The following OTUD7A variants were observed in gnomAD, a reference collection of about 807,000 sequenced individuals.
OTUD7A encodes the protein OTU deubiquitinase 7A.
Under a neutral mutation model 65.7 loss-of-function variants are expected in OTUD7A, and 12 were observed. That is an observed-to-expected ratio of 0.18 (90% CI 0.12 to 0.30). The LOEUF (loss-of-function observed/expected upper bound fraction) is 0.30. OTUD7A is among the 10% of genes least tolerant of loss of function. The probability of loss-of-function intolerance (pLI) is 1.00; values close to 1 mark genes in which losing one functional copy is unlikely to be tolerated. For synonymous variants in OTUD7A, 641 were observed against 586.3 expected (o/e 1.09, Z -1.35); for missense variants, 1,148 against 1,304.8 (o/e 0.88, Z 1.85).
intron 1 of OTUD7A, among the ~76,000 whole-genome samples, chr15:31,661,705 C>T (rs933643631): frequency 6.6e-6 from 1 of 152,150 alleles, no homozygotes; most frequent in Non-Finnish European, 1.5e-5. Context: ...ACCACAGTAC[C>T]ATAATCCCAC....
intron 1 of OTUD7A, among the ~76,000 whole-genome samples, chr15:31,818,029 C>T (rs1451765504): frequency 1.3e-5 from 2 of 152,174 alleles, no homozygotes; most frequent in East Asian, 1.9e-4. Context: ...GAGGATGTCA[C>T]GTTCATCCCG....
chr15:31,768,742 G>A (rs772456475), intron 1 of OTUD7A, among the ~76,000 whole-genome samples: 2 of 152,090 alleles, frequency 1.3e-5, no homozygotes, highest in Non-Finnish European at 2.9e-5. Context: ...TAAAGGGGGT[G>A]AAGTAAAGGG....
intron 3 of OTUD7A, among the ~76,000 whole-genome samples, chr15:31,636,480 C>T (rs374961901): frequency 9.9e-5 from 15 of 152,264 alleles, no homozygotes; most frequent in African/African-American, 3.6e-4. Context: ...TCAGGCCTCC[C>T]TATTCCCTGA....
chr15:31,512,514 A>T (rs2141100607), intron 8 of OTUD7A, among the ~76,000 whole-genome samples: 1 of 152,252 alleles, frequency 6.6e-6, no homozygotes, highest in Middle Eastern at 3.4e-3. Flanking sequence ...TTTTGTTATG[A>T]GAGTATATTG....
At chr15:31,514,693 T>C (rs1273909599) in intron 8 of OTUD7A, among the ~76,000 whole-genome samples, 1 of 152,246 alleles carries the variant, frequency 6.6e-6, no homozygotes, top group Admixed American at 6.5e-5. Context: ...GTGGCCCTCT[T>C]CACCTGTGTG....
rs932618270 is a variant in OTUD7A at position 31,480,110 on chromosome 15, C to T, written c.*3184G>A. 7 of 152,158 alleles carry T rather than the reference C, an allele frequency of 4.6e-5. No individual in the cohort carries two copies. Among genetic ancestry groups the T allele is most frequent in the South Asian group, 2.1e-4 (1 of 4,826 alleles). The allele number at this position is 152,158 out of a possible 1,614,324, so 9.4% of individuals were successfully genotyped here. A position where few individuals can be genotyped will look rare whatever the true frequency, so the allele number is the denominator to read the frequency against. ...CTCCAGTTACCCTTCCAAGGGACAACCCTGTGGCAATAACGGGTGCAAAAT... is the reference window on the plus strand; with the variant it reads ...CTCCAGTTACCCTTCCAAGGGACAATCCTGTGGCAATAACGGGTGCAAAAT... On this transcript the variant is annotated 3_prime_UTR_variant, in exon 13 of 13. Transcript: ENST00000307050.
chr15:31,664,527 ATTTGAG>A (rs1892265659), intron 1 of OTUD7A, among the ~76,000 whole-genome samples: 1 of 131,926 alleles, frequency 7.6e-6, no homozygotes, highest in South Asian at 2.2e-4. Context: ...TTTCTTACTG[ATTTGAG>A]TTTGTGGTAG....
At chr15:31,554,760 C>G (rs1393670867) in intron 5 of OTUD7A, among the ~76,000 whole-genome samples, 1 of 152,206 alleles carries the variant, frequency 6.6e-6, no homozygotes. Flanking sequence ...ACCCAGAGAC[C>G]CCGGTCTCCG....
At chr15:31,660,520 C>T (rs1009867907) in intron 1 of OTUD7A, among the ~76,000 whole-genome samples, 22 of 152,200 alleles carry the variant, frequency 1.4e-4, no homozygotes, top group Non-Finnish European at 2.8e-4. Flanking sequence ...ATGCGTAGAG[C>T]ACATTATCAT....
chr15:31,514,102 G>A (rs1006059729), intron 8 of OTUD7A, among the ~76,000 whole-genome samples: 7 of 145,878 alleles, frequency 4.8e-5, no homozygotes, highest in Admixed American at 2.8e-4. Context: ...TGCCCAGGCT[G>A]GAGTGCAGTG....
At chr15:31,759,995 A>G (rs1242213523) in intron 1 of OTUD7A, among the ~76,000 whole-genome samples, 1 of 152,130 alleles carries the variant, frequency 6.6e-6, no homozygotes, top group African/African-American at 2.4e-5. Flanking sequence ...AAAACTGCTA[A>G]ATTGTTTTAT....
intron 6 of OTUD7A, among the ~76,000 whole-genome samples, chr15:31,528,545 C>T (rs2042045539): frequency 1.3e-5 from 2 of 152,368 alleles, no homozygotes; most frequent in Middle Eastern, 3.4e-3. Context: ...AGGCTTCTAG[C>T]CAGCAAGGCT....
At chr15:31,540,189 G>C (rs977705597) in intron 5 of OTUD7A, among the ~76,000 whole-genome samples, 2 of 152,126 alleles carry the variant, frequency 1.3e-5, no homozygotes, top group African/African-American at 4.8e-5. Flanking sequence ...AGTGTCTTCT[G>C]TCAATCCCCT....
At chr15:31,638,882 C>T (rs1443044883) in intron 3 of OTUD7A, among the ~76,000 whole-genome samples, 1 of 152,168 alleles carries the variant, frequency 6.6e-6, no homozygotes, top group African/African-American at 2.4e-5. Context: ...CGCCTATAAT[C>T]CCAGCGCTTT....
At chr15:31,847,330 T>C (rs1897314991) in intron 1 of OTUD7A, among the ~76,000 whole-genome samples, 1 of 152,126 alleles carries the variant, frequency 6.6e-6, no homozygotes, top group Non-Finnish European at 1.5e-5. Context: ...GAGTACATGA[T>C]AGAAATGAAA....
chr15:31,744,300 G>A (rs543710298), intron 1 of OTUD7A, among the ~76,000 whole-genome samples: 14 of 152,214 alleles, frequency 9.2e-5, no homozygotes, highest in African/African-American at 3.4e-4. Context: ...AAAGAAGAAT[G>A]TGAAAAGAAA....
chr15:31,556,740 A>G (rs1194851121), intron 5 of OTUD7A: 1 of 152,210 alleles, frequency 6.6e-6, no homozygotes, highest in Non-Finnish European at 1.5e-5. Context: ...TGAGCTGTAT[A>G]AAGGTCTACA....
chr15:31,774,750 A>C (rs1023111316), intron 1 of OTUD7A, among the ~76,000 whole-genome samples: 1 of 152,188 alleles, frequency 6.6e-6, no homozygotes, highest in African/African-American at 2.4e-5. Flanking sequence ...ACTATCAGCC[A>C]CTTAAGTTTC....
intron 1 of OTUD7A, among the ~76,000 whole-genome samples, chr15:31,658,859 C>T (rs1338364135): frequency 6.8e-6 from 1 of 148,020 alleles, no homozygotes; most frequent in African/African-American, 2.5e-5. Context: ...GAAACCCCGT[C>T]TCTACTAATT....
Sources: gnomAD v4.1 joint callset for allele counts (sites outside exome capture counted in the v4.1 genomes callset) on GRCh38, gnomAD v4.1.1 for gene constraint, MANE v1.5 for transcripts, NCBI Gene and HGNC (gene_info 2026-07-23, HGNC 2026-07-21) for gene names.